The following PKNOX2 variants were observed in gnomAD, a reference collection of about 807,000 sequenced individuals.
PKNOX2 encodes the protein homeobox protein PKNOX2.
PKNOX2 carries 14 observed loss-of-function variants against 53.1 expected under a neutral mutation model. That is an observed-to-expected ratio of 0.26 (90% confidence interval 0.17 to 0.41). The LOEUF is 0.41. PKNOX2 is among the 10% of genes least tolerant of loss of function. The probability of loss-of-function intolerance (pLI) is 1.00; values close to 1 mark genes in which losing one functional copy is unlikely to be tolerated. For missense variants in PKNOX2, 496 were observed against 602.8 expected, an observed-to-expected ratio of 0.82 and a Z score of 1.85; for synonymous variants, 257 against 242.8, an observed-to-expected ratio of 1.06 and a Z score of -0.54.
intron 2 of PKNOX2, among the ~76,000 whole-genome samples, chr11:125,311,546 G>A (rs992095056): frequency 1.3e-5 from 2 of 152,184 alleles, no homozygotes; most frequent in African/African-American, 4.8e-5. Context: ...GAAGATGCAA[G>A]AAAGAGACAT....
chr11:125,361,210 C>G (rs777784374), intron 4 of PKNOX2, among the ~76,000 whole-genome samples: 2 of 152,168 alleles, frequency 1.3e-5, no homozygotes, highest in Non-Finnish European at 2.9e-5. Flanking sequence ...CAGAAAAGCC[C>G]TGGTCCTGCC....
intron 2 of PKNOX2, among the ~76,000 whole-genome samples, chr11:125,292,788 G>A (rs889432718): frequency 2.6e-5 from 4 of 152,142 alleles, no homozygotes; most frequent in African/African-American, 4.8e-5. Context: ...CCACATTGCC[G>A]TATACCTGAG....
chr11:125,421,905 G>A (rs1198470017), intron 10 of PKNOX2, among the ~76,000 whole-genome samples: 1 of 152,206 alleles, frequency 6.6e-6, no homozygotes, highest in African/African-American at 2.4e-5. Context: ...GAAAGCGCTG[G>A]TGTAGAGGGC....
At chr11:125,245,380 A>G (rs566426513) in intron 2 of PKNOX2, among the ~76,000 whole-genome samples, 58 of 152,384 alleles carry the variant, frequency 3.8e-4, no homozygotes, top group African/African-American at 1.3e-3. Context: ...ACTGGAGCTC[A>G]GAAAGGCCAA....
At chr11:125,255,761 G>A (rs1035067695) in intron 2 of PKNOX2, among the ~76,000 whole-genome samples, 5 of 152,104 alleles carry the variant, frequency 3.3e-5, no homozygotes, top group South Asian at 2.1e-4. Flanking sequence ...TCTGGAAGTC[G>A]CCCTGCCAAA....
At chr11:125,367,749 C>T (rs756451404) in intron 4 of PKNOX2, 97 bp from the exon 5 acceptor site, 376 of 1,342,116 alleles carry the variant, frequency 2.8e-4, no homozygotes, top group Middle Eastern at 5.4e-4. Flanking sequence ...TGCTCTCCTC[C>T]GGGCACAGCA....
rs377539931 is a variant in PKNOX2, at chr11:125,410,239, A to G, written c.632A>G (p.Asn211Ser). 3.1e-6 allele frequency: 5 copies of G among 1,614,070 alleles called. No homozygotes were observed. In the South Asian group the frequency reaches 5.5e-5, roughly 18 times the overall value. The part of the protein sequence containing the change: ...NSPNSMSGVS[N>S]NPQGIVVPAS... The stretch of plus-strand genomic sequence containing the variant: ...CCCAATTCCATGTCCGGAGTCTCCA[A>G]TAACCCCCAGGGGATTGTGGTCCCA... The change falls in exon 8 of 13, where the codon AAT becomes AGT. Residue 211 changes from asparagine to serine, a missense_variant. Physicochemically the swap from Asn to Ser is conservative, Grantham distance 46. Around this residue, in one of 5 missense-constraint regions of PKNOX2, gnomAD observed 141 missense variants for 143.9 expected, o/e 0.98. Transcript: ENST00000298282.
chr11:125,379,856 A>G (rs1192039472), intron 5 of PKNOX2, among the ~76,000 whole-genome samples: 2 of 152,216 alleles, frequency 1.3e-5, no homozygotes, highest in African/African-American at 4.8e-5. Flanking sequence ...AAATCAACAC[A>G]TCTGGTTTAA....
At chr11:125,428,271 A>C (rs75863651) in intron 10 of PKNOX2, among the ~76,000 whole-genome samples, 13,385 of 152,064 alleles carry the variant, frequency 0.088, 654 homozygotes, top group African/African-American at 0.13. Flanking sequence ...TCAGTCCTAT[A>C]AAGTGGCATC....
chr11:125,232,743 G>C (rs1942320972), intron 1 of PKNOX2, among the ~76,000 whole-genome samples: 1 of 152,144 alleles, frequency 6.6e-6, no homozygotes, highest in South Asian at 2.1e-4. Flanking sequence ...TATTACTGCA[G>C]CCTATGATCA....
intron 2 of PKNOX2, among the ~76,000 whole-genome samples, chr11:125,306,532 A>G (rs556074271): frequency 2.0e-5 from 3 of 152,354 alleles, no homozygotes; most frequent in Non-Finnish European, 4.4e-5. Flanking sequence ...TATGTCCACC[A>G]TAAAACCCTT....
chr11:125,245,637 T>G (rs1943503320), intron 2 of PKNOX2, among the ~76,000 whole-genome samples: 1 of 152,226 alleles, frequency 6.6e-6, no homozygotes, highest in Admixed American at 6.5e-5. Flanking sequence ...ATCCTGGGAC[T>G]TCTGGGGACC....
intron 2 of PKNOX2, among the ~76,000 whole-genome samples, chr11:125,253,688 A>G (rs1186044818): frequency 6.6e-6 from 1 of 152,068 alleles, no homozygotes; most frequent in Non-Finnish European, 1.5e-5. Flanking sequence ...ACTCATCTCT[A>G]TCACTGGCAC....
chr11:125,216,737 C>T (rs1940548614), intron 1 of PKNOX2, among the ~76,000 whole-genome samples: 1 of 152,112 alleles, frequency 6.6e-6, no homozygotes, highest in Admixed American at 6.5e-5. Context: ...TTCCTCCCTC[C>T]CTCCTCCCTC....
intron 2 of PKNOX2, among the ~76,000 whole-genome samples, chr11:125,245,780 C>T (rs1943514490): frequency 6.6e-6 from 1 of 152,098 alleles, no homozygotes; most frequent in African/African-American, 2.4e-5. Flanking sequence ...GCTGAAGGGA[C>T]CTTAGTGGTT....
At chr11:125,223,355 G>C (rs1456663807) in intron 1 of PKNOX2, among the ~76,000 whole-genome samples, 1 of 151,948 alleles carries the variant, frequency 6.6e-6, no homozygotes, top group Non-Finnish European at 1.5e-5. Flanking sequence ...TCAGCGTCCT[G>C]AGCAGCTGGG....
chr11:125,293,702 G>T (rs947822070), intron 2 of PKNOX2, among the ~76,000 whole-genome samples: 7 of 152,044 alleles, frequency 4.6e-5, no homozygotes, highest in African/African-American at 1.7e-4. Context: ...CTCATGTGAA[G>T]TTCCTTTTAT....
At chr11:125,308,367 T>C (rs1312128081) in intron 2 of PKNOX2, among the ~76,000 whole-genome samples, 1 of 152,108 alleles carries the variant, frequency 6.6e-6, no homozygotes, top group Non-Finnish European at 1.5e-5. Context: ...GGGCTTTCCT[T>C]TCCCACCTCT....
At chr11:125,264,308 A>G (rs1237988587) in intron 2 of PKNOX2, among the ~76,000 whole-genome samples, 1 of 152,152 alleles carries the variant, frequency 6.6e-6, no homozygotes, top group Non-Finnish European at 1.5e-5. Context: ...GTATGTCCCC[A>G]GGAAACTGGA....
Sources: gnomAD v4.1 joint callset for allele counts (sites outside exome capture counted in the v4.1 genomes callset) on GRCh38, gnomAD v4.1.1 for gene constraint, gnomAD v4.1.1 regional missense constraint, MANE v1.5 for transcripts, NCBI Gene and HGNC (gene_info 2026-07-23, HGNC 2026-07-21) for gene names.